The following EYS variants were observed in gnomAD, a reference collection of about 807,000 sequenced individuals.
The protein encoded by EYS is EGF-like photoreceptor maintenance factor.
EYS carries 250 observed loss-of-function variants against 282.1 expected under a neutral mutation model. The observed-to-expected ratio is 0.89, with a 90% CI of 0.80 to 0.98. EYS has a LOEUF of 0.98. Among genes scored for constraint, EYS ranks in the 50% least tolerant of loss-of-function variants. The pLI is 0.00. For synonymous variants in EYS, 1,355 were observed against 1,282.9 expected, an observed-to-expected ratio of 1.06 and a Z score of -1.20; for missense variants, 4,016 against 3,709.0, an observed-to-expected ratio of 1.08 and a Z score of -2.15.
At chr6:64,092,049 A>G (rs1772383277) in intron 31 of EYS, among the ~76,000 whole-genome samples, 1 of 152,090 alleles carries the variant, frequency 6.6e-6, no homozygotes, top group Admixed American at 6.5e-5. Flanking sequence ...ATGGTTTCCA[A>G]ACTCATCCAT....
At chr6:64,550,409 A>C (rs1006531463) in intron 26 of EYS, among the ~76,000 whole-genome samples, 9 of 152,050 alleles carry the variant, frequency 5.9e-5, no homozygotes, top group Non-Finnish European at 8.8e-5. Context: ...TTGTTTCCTG[A>C]CTTTTTAATG....
intron 30 of EYS, among the ~76,000 whole-genome samples, chr6:64,283,260 GC>G (rs941266471): frequency 6.6e-6 from 1 of 151,834 alleles, no homozygotes; most frequent in African/African-American, 2.4e-5. Context: ...TTCTTGTTCT[GC>G]CTAACTAACA....
At chr6:65,423,949 TTTCAG>T (rs1343254706) in intron 5 of EYS, among the ~76,000 whole-genome samples, 2 of 152,052 alleles carry the variant, frequency 1.3e-5, no homozygotes, top group African/African-American at 4.8e-5. Context: ...TTTCAATTCC[TTTCAG>T]TTGTCAATTT....
chr6:64,505,418 G>A (rs900916922), intron 26 of EYS, among the ~76,000 whole-genome samples: 2 of 152,096 alleles, frequency 1.3e-5, no homozygotes, highest in Admixed American at 6.5e-5. Flanking sequence ...GAAACTTTTA[G>A]GTTAACACTG....
At chr6:64,175,568 T>A (rs1764603211) in intron 31 of EYS, among the ~76,000 whole-genome samples, 1 of 152,208 alleles carries the variant, frequency 6.6e-6, no homozygotes. Context: ...TGTCTCTTTG[T>A]GGTGAGACTG....
chr6:64,671,394 G>C (rs76454254), intron 22 of EYS, among the ~76,000 whole-genome samples: 2 of 152,086 alleles, frequency 1.3e-5, no homozygotes, highest in African/African-American at 4.8e-5. Flanking sequence ...GAACCAGAGA[G>C]AGAGCCCTCA....
At chr6:64,377,258 A>G (rs933270827) in intron 29 of EYS, among the ~76,000 whole-genome samples, 4 of 152,188 alleles carry the variant, frequency 2.6e-5, no homozygotes, top group Non-Finnish European at 5.9e-5. Context: ...GCGTCCATAG[A>G]TAGTGAATCC....
intron 31 of EYS, among the ~76,000 whole-genome samples, chr6:64,179,037 A>G (rs1486203987): frequency 1.3e-5 from 2 of 152,064 alleles, no homozygotes; most frequent in Non-Finnish European, 2.9e-5. Flanking sequence ...ATGAAAAAGC[A>G]ATCCAAAGCC....
At chr6:65,030,116 C>T (rs1337922589) in intron 13 of EYS, among the ~76,000 whole-genome samples, 3 of 152,148 alleles carry the variant, frequency 2.0e-5, no homozygotes, top group African/African-American at 4.8e-5. Flanking sequence ...CCAAGTCTGG[C>T]CACATTCCCC....
At chr6:65,594,330 C>T (rs1210252378) in intron 2 of EYS, among the ~76,000 whole-genome samples, 1 of 151,908 alleles carries the variant, frequency 6.6e-6, no homozygotes, top group East Asian at 1.9e-4. Context: ...GAACAAAAAC[C>T]CATAGTTAAA....
intron 31 of EYS, among the ~76,000 whole-genome samples, chr6:64,209,237 A>G (rs1765693688): frequency 1.3e-5 from 2 of 152,158 alleles, no homozygotes; most frequent in South Asian, 4.1e-4. Context: ...TAAATCTATC[A>G]CTCTATAATA....
At chr6:65,336,155 A>G (rs1769980492) in intron 10 of EYS, among the ~76,000 whole-genome samples, 1 of 151,698 alleles carries the variant, frequency 6.6e-6, no homozygotes, top group African/African-American at 2.4e-5. Context: ...TTCTTTATAA[A>G]TCACCGAGTC....
intron 29 of EYS, among the ~76,000 whole-genome samples, chr6:64,321,059 C>G (rs896633732): frequency 9.2e-5 from 14 of 151,700 alleles, no homozygotes; most frequent in African/African-American, 3.4e-4. Flanking sequence ...CTGTTATTGA[C>G]TTTCAAGTTT....
intron 32 of EYS, among the ~76,000 whole-genome samples, chr6:64,080,278 G>A (rs1771919388): frequency 6.6e-6 from 1 of 152,136 alleles, no homozygotes; most frequent in South Asian, 2.1e-4. Context: ...GTATCTCATT[G>A]TGGTTTTGAT....
In EYS at chr6:64,439,228, G is replaced by T. The variant is rs957510682; in HGVS notation, c.5769C>A (p.Val1923=). 2.0e-6 allele frequency: 3 copies of T among 1,493,680 alleles called. No individual in the cohort carries two copies. The African/African-American group carries it at 4.3e-5, about 21-fold the overall frequency. 92.5% of individuals were successfully genotyped at this position (1,493,680 alleles called of 1,614,324 possible). Residue 1923 remains valine, a synonymous_variant, in exon 27 of 43, where the codon GTC becomes GTA. Transcript: ENST00000503581. ...TFSSYGLLLY[V]KQDSNLVDGF... is the part of the protein sequence containing the mutation. Reference sequence around the variant, plus strand: ...CATCTACTAAATTTGAGTCTTGCTTGACATACAGCAGAAGTCCATAGGAGC... The same window carrying T: ...CATCTACTAAATTTGAGTCTTGCTTTACATACAGCAGAAGTCCATAGGAGC...
intron 19 of EYS, among the ~76,000 whole-genome samples, chr6:64,867,796 T>A (rs950639002): frequency 5.3e-5 from 8 of 151,690 alleles, no homozygotes; most frequent in African/African-American, 1.9e-4. Flanking sequence ...AAAATTAAAT[T>A]CTACTTTTGA....
At chr6:65,660,866 T>C (rs906054621) in intron 1 of EYS, among the ~76,000 whole-genome samples, 1 of 151,850 alleles carries the variant, frequency 6.6e-6, no homozygotes, top group African/African-American at 2.4e-5. Context: ...CCTTCTTTTA[T>C]TGCTTTGTAA....
At chr6:64,697,008 A>C (rs1770604170) in intron 22 of EYS, among the ~76,000 whole-genome samples, 1 of 152,226 alleles carries the variant, frequency 6.6e-6, no homozygotes, top group Admixed American at 6.5e-5. Context: ...AAACAGACTC[A>C]ACAAAGCAAC....
chr6:64,722,518 A>G (rs1414946622), intron 22 of EYS, among the ~76,000 whole-genome samples: 1 of 149,728 alleles, frequency 6.7e-6, no homozygotes, highest in African/African-American at 2.4e-5. Context: ...AATTATTTGA[A>G]AAAAAAAAAA....
Sources: gnomAD v4.1 joint callset for allele counts (sites outside exome capture counted in the v4.1 genomes callset) on GRCh38, gnomAD v4.1.1 for gene constraint, MANE v1.5 for transcripts, NCBI Gene and HGNC (gene_info 2026-07-23, HGNC 2026-07-21) for gene names.